The following RASGRP3 variants were observed in gnomAD, a reference collection of about 807,000 sequenced individuals.
The protein encoded by RASGRP3 is ras guanyl-releasing protein 3.
A neutral mutation model predicts 82.7 loss-of-function variants in RASGRP3; 54 were observed. The ratio of observed to expected loss-of-function variants is 0.65; its 90% CI spans 0.52 to 0.82. The LOEUF (loss-of-function observed/expected upper bound fraction) is 0.82, where lower values mean the gene tolerates loss of function less well. RASGRP3 is among the 40% of genes least tolerant of loss of function. The pLI is 0.00. For synonymous variants in RASGRP3, 309 were observed against 300.5 expected (o/e 1.03, Z -0.29); for missense variants, 861 against 828.9 (o/e 1.04, Z -0.48).
At chr2:33,498,542 C>T (rs558428696) in intron 1 of RASGRP3, among the ~76,000 whole-genome samples, 2 of 152,130 alleles carry the variant, frequency 1.3e-5, no homozygotes, top group South Asian at 4.2e-4. Flanking sequence ...CATGATAGTC[C>T]CTCTCTCCCC....
chr2:33,518,656 TA>T (rs776143512), intron 4 of RASGRP3, among the ~76,000 whole-genome samples: 3 of 152,232 alleles, frequency 2.0e-5, no homozygotes, highest in Non-Finnish European at 2.9e-5. Flanking sequence ...TGCACTGCTG[TA>T]AAAAATATTT....
intron 2 of RASGRP3, among the ~76,000 whole-genome samples, chr2:33,460,606 C>T (rs1666305165): frequency 6.6e-6 from 1 of 151,834 alleles, no homozygotes; most frequent in African/African-American, 2.4e-5. Context: ...CTTTCACCTC[C>T]CGTGTTCAAG....
At chr2:33,537,388 T>C (rs1673760820) in intron 11 of RASGRP3, among the ~76,000 whole-genome samples, 1 of 140,996 alleles carries the variant, frequency 7.1e-6, no homozygotes, top group African/African-American at 2.7e-5. Context: ...TGAAACGGAG[T>C]CTTGCTGTGT....
chr2:33,486,351 A>G (rs1668379865), intron 1 of RASGRP3, among the ~76,000 whole-genome samples: 1 of 151,942 alleles, frequency 6.6e-6, no homozygotes, highest in South Asian at 2.1e-4. Context: ...TTGTTTTAGT[A>G]GAGATGGGGT....
chr2:33,476,774 T>TGTG (rs1206360551), intron 1 of RASGRP3, 67 bp downstream of exon 1: 1 of 151,000 alleles, frequency 6.6e-6, no homozygotes, highest in Non-Finnish European at 1.5e-5. Flanking sequence ...TGTGTGTGTG[T>TGTG]GTGTGTGTGT....
Position 33,521,175 on chromosome 2 carries a change from A to G in RASGRP3, c.368+491A>G, listed in dbSNP as rs75195383. On this transcript the variant is annotated intron_variant, in intron 6 of 17. Transcript: ENST00000403687. The stretch of plus-strand genomic sequence containing the variant: ...ATGCAAGCTTGAGAAGCTCTGTACC[A>G]TGGTGCTGCTGAGGTTGGCCTCAGA... Among the ~76,000 whole-genome samples the G allele has an allele frequency of 3.2e-3, 495 of 152,314 alleles. 3 individuals are homozygous for G. The highest frequency in any genetic ancestry group is 0.012 in the African/African-American group (483 of 41,578).
intron 1 of RASGRP3, among the ~76,000 whole-genome samples, chr2:33,493,901 T>C (rs769871260): frequency 6.6e-6 from 1 of 152,142 alleles, no homozygotes; most frequent in African/African-American, 2.4e-5. Flanking sequence ...TTTCTCCGTA[T>C]CAAAATGGCC....
intron 14 of RASGRP3, chr2:33,555,329 G>A (rs1469673722): frequency 4.8e-6 from 2 of 418,238 alleles, no homozygotes; most frequent in African/African-American, 2.0e-5. Context: ...GAAAGAAAAG[G>A]GAAAGGAAAC....
chr2:33,524,570 T>A (rs1479977268), intron 9 of RASGRP3, 22 bp downstream of exon 9: 2 of 1,502,990 alleles, frequency 1.3e-6, no homozygotes, highest in Non-Finnish European at 9.0e-7. Flanking sequence ...TTGATCCTAA[T>A]CAAAAGTAAA....
chr2:33,514,578 G>A (rs562832296), intron 2 of RASGRP3, among the ~76,000 whole-genome samples: 52 of 150,660 alleles, frequency 3.5e-4, no homozygotes, highest in African/African-American at 1.2e-3. Flanking sequence ...CCAGCTACTT[G>A]GGGGTCAGAA....
intron 4 of RASGRP3, among the ~76,000 whole-genome samples, chr2:33,517,656 G>C (rs1671597136): frequency 6.6e-6 from 1 of 152,194 alleles, no homozygotes. Context: ...CTAGCTCCCA[G>C]TGGTCCAAGG....
At chr2:33,516,121 A>G (rs1332711342) in intron 3 of RASGRP3, among the ~76,000 whole-genome samples, 1 of 152,190 alleles carries the variant, frequency 6.6e-6, no homozygotes, top group Admixed American at 6.5e-5. Flanking sequence ...GTAAAAGATC[A>G]CTGGTCGGCC....
chr2:33,540,125 G>T (rs1184310304), intron 12 of RASGRP3: 1 of 152,378 alleles, frequency 6.6e-6, no homozygotes, highest in Non-Finnish European at 1.5e-5. Flanking sequence ...ACATCTGCTG[G>T]TGCAACAGAA....
upstream of RASGRP3, among the ~76,000 whole-genome samples, chr2:33,471,940 G>T (rs1667083058): frequency 6.6e-6 from 1 of 151,840 alleles, no homozygotes; most frequent in Non-Finnish European, 1.5e-5. Context: ...AGAGCGTGGG[G>T]TCTTTTTGAC....
chr2:33,505,607 G>A (rs889384137), intron 1 of RASGRP3, among the ~76,000 whole-genome samples: 3 of 152,012 alleles, frequency 2.0e-5, no homozygotes, highest in Non-Finnish European at 4.4e-5. Context: ...AGGATTCTTC[G>A]GAATACAATA....
At chr2:33,477,822 T>C (rs779207320) in intron 1 of RASGRP3, among the ~76,000 whole-genome samples, 2 of 152,214 alleles carry the variant, frequency 1.3e-5, no homozygotes, top group Non-Finnish European at 2.9e-5. Context: ...AACAGGTTCC[T>C]GTTTCTGGAG....
At chr2:33,466,799 G>A (rs754852194) in intron 2 of RASGRP3, among the ~76,000 whole-genome samples, 1 of 152,054 alleles carries the variant, frequency 6.6e-6, no homozygotes, top group Non-Finnish European at 1.5e-5. Context: ...AAAATTTTCC[G>A]TGACCCAGGT....
intron 2 of RASGRP3, among the ~76,000 whole-genome samples, chr2:33,450,762 T>C (rs1252393405): frequency 1.3e-5 from 2 of 150,666 alleles, no homozygotes; most frequent in African/African-American, 4.9e-5. Context: ...AAGTATATGA[T>C]AGTTCTATTT....
chr2:33,443,707 T>C (rs1023011722), intron 1 of RASGRP3, among the ~76,000 whole-genome samples: 71 of 128,038 alleles, frequency 5.5e-4, no homozygotes, highest in Non-Finnish European at 9.3e-4. Context: ...AGATCCTGTC[T>C]CTAAAAAAAA....
Sources: gnomAD v4.1 joint callset for allele counts (sites outside exome capture counted in the v4.1 genomes callset) on GRCh38, gnomAD v4.1.1 for gene constraint, MANE v1.5 for transcripts, NCBI Gene and HGNC (gene_info 2026-07-23, HGNC 2026-07-21) for gene names.